Variants in PARP6 observed in about 807,000 individuals in gnomAD.
The protein encoded by PARP6 is poly(ADP-ribose) polymerase family member 6.
In PARP6, 27 loss-of-function variants were observed where a neutral mutation model predicts 92.0. The observed-to-expected ratio is 0.29, with a 90% CI of 0.22 to 0.40. The LOEUF (loss-of-function observed/expected upper bound fraction) is 0.40, where lower values mean the gene tolerates loss of function less well. Among genes scored for constraint, PARP6 ranks in the 10% least tolerant of loss-of-function variants. The pLI is 1.00. For missense variants in PARP6, 501 were observed against 784.5 expected (o/e 0.64, Z 4.32); for synonymous variants, 272 against 281.2 (o/e 0.97, Z 0.33).
intron 2 of PARP6, among the ~76,000 whole-genome samples, chr15:72,269,107 A>T (rs2087005111): frequency 6.6e-6 from 1 of 152,212 alleles, no homozygotes; most frequent in African/African-American, 2.4e-5. Flanking sequence ...TCGCAGCTGA[A>T]GCTACTCCAA....
Position 72,267,534 on chromosome 15 carries a change from CA to C in PARP6, c.-58del. 6.2e-7 allele frequency: 1 copy of C among 1,608,566 alleles called. No homozygotes were observed. Among genetic ancestry groups the C allele is most frequent in the Non-Finnish European group, 8.5e-7 (1 of 1,175,134 alleles). ...AGTGCTAGGCAGCACCCCTCCATAC[CA>C]CTAGCCGAACCAAGGCCAACGAGAT... is the stretch of plus-strand genomic sequence containing the variant. On this transcript the variant is annotated 5_prime_UTR_variant, in exon 3 of 24. The change abolishes the stop of an existing upstream ORF in the 5' untranslated region. Coordinates refer to ENST00000569795, the MANE Select transcript of PARP6 (RefSeq NM_001323532.2).
intron 10 of PARP6, 89 bp downstream of exon 10, chr15:72,260,389 T>C: frequency 2.8e-6 from 3 of 1,054,138 alleles, no homozygotes; most frequent in Non-Finnish European, 4.3e-6. Context: ...TAGACAACCA[T>C]ATCCCCACCC....
intron 20 of PARP6, chr15:72,245,900 C>T (rs1375512027): frequency 1.3e-5 from 2 of 152,142 alleles, no homozygotes; most frequent in Non-Finnish European, 2.9e-5. Context: ...AAAGAAGAAT[C>T]TCAGTGGGCA....
Position 72,265,101 on chromosome 15 carries a change from G to A in PARP6, c.308C>T (p.Ser103Phe), listed in dbSNP as rs2086407191. ...TTTACCTGGTCCATCTAGGTACTGG[G>A]AGAGAGAAAATCGCAGCCTCAACAC... is the stretch of plus-strand genomic sequence containing the variant. ...PIVLRLRFSL[S>F]QYLDGPEPSI... The change falls in exon 7 of 24, where the codon TCC (serine) becomes TTC (phenylalanine). Residue 103 changes from serine to phenylalanine, a missense_variant. This residue lies in a region of PARP6 where 291 missense variants were observed against 352.0 expected (regional missense o/e 0.83). Transcript: ENST00000569795. 1 of 1,613,066 alleles carries A rather than the reference G, an allele frequency of 6.2e-7. No homozygotes were observed. Among genetic ancestry groups the A allele is most frequent in the African/African-American group, 1.3e-5 (1 of 74,890 alleles).
chr15:72,251,139 C>T, intron 17 of PARP6, 68 bp downstream of exon 17: 1 of 1,133,164 alleles, frequency 8.8e-7, no homozygotes, highest in Non-Finnish European at 1.3e-6. Context: ...ATATGGTTAG[C>T]TGGCTTCCAG....
Position 72,242,860 on chromosome 15 carries a change from C to T in PARP6, c.1562-161G>A, listed in dbSNP as rs1015728992. On this transcript the variant is annotated intron_variant, in intron 20 of 23. Transcript: ENST00000569795. The surrounding 1 kb of genome is among the most constrained non-coding windows in gnomAD (Gnocchi z 4.3). ...GTCTGCTGGAAATTACAAGCAAGAA[C>T]AAGTAATTAACAACACAGCATGGTA... 4 of 596,964 alleles carry T rather than the reference C, an allele frequency of 6.7e-6. No homozygotes were observed. The highest frequency in any genetic ancestry group is 1.2e-5 in the Non-Finnish European group (4 of 335,672). The allele number at this position is 596,964 out of a possible 1,614,324, so 37.0% of individuals were successfully genotyped here.
chr15:72,261,674 T>C lies in PARP6; in HGVS notation c.429A>G (p.Lys143=). 6.2e-7 allele frequency: 1 copy of C among 1,614,074 alleles called. No homozygotes were observed. Among genetic ancestry groups the C allele is most frequent in the South Asian group, 1.1e-5 (1 of 91,082 alleles). Residue 143 remains lysine (K), a synonymous_variant, in exon 9 of 24, where the codon AAA becomes AAG. Coordinates refer to ENST00000569795, the MANE Select transcript of PARP6 (RefSeq NM_001323532.2). ...TCTTCAAGAAATCATTGCTCAGATG[T>C]TTCCATTGTTGGGATGTAAACATAC... is the stretch of plus-strand genomic sequence containing the variant. The part of the protein sequence containing the change: ...ILGMFTSQQW[K]HLSNDFLKTQ...
chr15:72,266,928 T>G (rs35367912), intron 3 of PARP6, 106 bp from the exon 4 acceptor site: 19,614 of 866,566 alleles, frequency 0.023, 417 homozygotes, highest in African/African-American at 0.09. Flanking sequence ...GATTGGGAAA[T>G]ATAGAATAAC....
At chr15:72,266,121 C>T in intron 4 of PARP6, 130 bp from the exon 5 acceptor site, 1 of 691,928 alleles carries the variant, frequency 1.4e-6, no homozygotes, top group Non-Finnish European at 2.6e-6. Flanking sequence ...GAAGTAAAAG[C>T]CACTTATGTG....
At position 72,267,489 on chromosome 15, in the gene PARP6, G is replaced by A. The variant is rs370728902; in HGVS notation, c.-12C>T. 3 of 1,613,750 alleles carry A rather than the reference G, an allele frequency of 1.9e-6. No individual in the cohort carries two copies. In the African/African-American group the frequency reaches 4.0e-5, roughly 22 times the overall value. ...TCAGTTCTCACCATTGGGTCAGTGG[G>A]TCACACACACTCTCAGGTCAGTGCT... On this transcript the variant is annotated 5_prime_UTR_variant, in exon 3 of 24. Coordinates refer to ENST00000569795, the MANE Select transcript of PARP6 (RefSeq NM_001323532.2).
intron 14 of PARP6, among the ~76,000 whole-genome samples, chr15:72,255,799 T>C (rs1355739244): frequency 8.6e-5 from 9 of 104,870 alleles, no homozygotes; most frequent in South Asian, 3.3e-4. Flanking sequence ...TTTTTTTTTT[T>C]TTTTTTTTTT....
chr15:72,254,669 T>C (rs2084831331), intron 14 of PARP6, 149 bp from the exon 15 acceptor site: 2 of 623,756 alleles, frequency 3.2e-6, no homozygotes, highest in Non-Finnish European at 5.7e-6. Context: ...CAGACAGTTC[T>C]AGGGGCACAT....
intron 16 of PARP6, 55 bp downstream of exon 16, chr15:72,253,382 C>T: frequency 7.2e-7 from 1 of 1,383,164 alleles, no homozygotes. Flanking sequence ...GGTTCCATGT[C>T]CAATAACTCC....
intron 2 of PARP6, among the ~76,000 whole-genome samples, chr15:72,270,449 G>A (rs2087245853): frequency 6.6e-6 from 1 of 152,032 alleles, no homozygotes; most frequent in Non-Finnish European, 1.5e-5. Flanking sequence ...CTACTCTAAT[G>A]GGCTGTCCTC....
chr15:72,267,257 TTAAAG>T, intron 3 of PARP6: 1 of 601,658 alleles, frequency 1.7e-6, no homozygotes, highest in Middle Eastern at 3.9e-4. Flanking sequence ...TTTCTATCCT[TTAAAG>T]TACTTAACTC....
chr15:72,257,910 A>T, intron 12 of PARP6, 127 bp downstream of exon 12: 1 of 690,686 alleles, frequency 1.4e-6, no homozygotes. Flanking sequence ...AAAAATCAAC[A>T]ATTTCTAGAG....
intron 11 of PARP6, among the ~76,000 whole-genome samples, chr15:72,259,237 G>A (rs904236308): frequency 2.0e-5 from 3 of 152,204 alleles, no homozygotes; most frequent in Non-Finnish European, 4.4e-5. Context: ...AAAAGCAAAT[G>A]ACCAGTAGTA....
intron 1 of PARP6, 57 bp from the exon 2 acceptor site, chr15:72,271,344 C>T (rs535276026): frequency 2.0e-5 from 3 of 152,268 alleles, no homozygotes; most frequent in Non-Finnish European, 4.4e-5. Context: ...AAGCAAGAGA[C>T]AGTTCAGAGA....
At chr15:72,243,563 A>T (rs2083292540) in intron 20 of PARP6, 1 of 151,942 alleles carries the variant, frequency 6.6e-6, no homozygotes, top group South Asian at 2.1e-4. Context: ...AAATCCATAA[A>T]CTCTCTACCT....
Sources: allele counts gnomAD v4.1 joint callset (sites outside exome capture counted in the v4.1 genomes callset), GRCh38; gene constraint gnomAD v4.1.1; regional missense constraint gnomAD v4.1.1; non-coding constraint Gnocchi (gnomAD v3.1); transcripts MANE v1.5; gene names NCBI Gene and HGNC (gene_info 2026-07-23, HGNC 2026-07-21).